Variants in AHI1 observed in about 807,000 individuals in gnomAD.
AHI1 encodes jouberin.
A neutral mutation model predicts 149.3 loss-of-function variants in AHI1; 123 were observed. The observed-to-expected ratio is 0.82, with a 90% CI of 0.71 to 0.96. AHI1 has a LOEUF of 0.96. AHI1 is among the 40% of genes least tolerant of loss of function. The pLI is 0.00. For missense variants in AHI1, 1,439 were observed against 1,422.7 expected, an observed-to-expected ratio of 1.01 and a Z score of -0.18; for synonymous variants, 475 against 459.8, an observed-to-expected ratio of 1.03 and a Z score of -0.42.
At chr6:135,343,417 A>G (rs993607420) in intron 24 of AHI1, among the ~76,000 whole-genome samples, 1 of 151,922 alleles carries the variant, frequency 6.6e-6, no homozygotes, top group African/African-American at 2.4e-5. Flanking sequence ...ATGGAAATGC[A>G]AGGGATCTAA....
At chr6:135,483,744 T>A (rs1157619071) in intron 5 of AHI1, among the ~76,000 whole-genome samples, 1 of 152,210 alleles carries the variant, frequency 6.6e-6, no homozygotes, top group African/African-American at 2.4e-5. Flanking sequence ...GCCCCTCTTA[T>A]CTAATTCCTG....
chr6:135,362,152 A>C (rs1037037155), intron 23 of AHI1, among the ~76,000 whole-genome samples: 1 of 151,256 alleles, frequency 6.6e-6, no homozygotes, highest in Non-Finnish European at 1.5e-5. Context: ...ATGTATAAAG[A>C]AAATGTGGTG....
chr6:135,306,135 A>G (rs1227295992), intron 26 of AHI1, among the ~76,000 whole-genome samples: 2 of 152,230 alleles, frequency 1.3e-5, no homozygotes, highest in Admixed American at 1.3e-4. Context: ...ACTGTCTTCT[A>G]CTACAGTGCA....
intron 24 of AHI1, 105 bp downstream of exon 24, chr6:135,358,027 T>C: frequency 2.1e-6 from 2 of 944,526 alleles, no homozygotes; most frequent in Non-Finnish European, 3.3e-6. Flanking sequence ...ATATAACTTT[T>C]GGCAAAAAGG....
chr6:135,300,471 C>T (rs1319533306), intron 27 of AHI1, 29 bp downstream of exon 27: 1 of 1,574,634 alleles, frequency 6.4e-7, no homozygotes, highest in Admixed American at 1.8e-5. Flanking sequence ...CCATTTATCA[C>T]TGCAAATTAT....
chr6:135,341,091 T>C (rs974465492), intron 24 of AHI1, among the ~76,000 whole-genome samples: 13 of 151,984 alleles, frequency 8.6e-5, no homozygotes, highest in African/African-American at 1.9e-4. Context: ...CAAAACCAAA[T>C]TGTAGACATC....
At chr6:135,481,153 G>C (rs1793572827) in intron 5 of AHI1, among the ~76,000 whole-genome samples, 1 of 152,200 alleles carries the variant, frequency 6.6e-6, no homozygotes, top group Non-Finnish European at 1.5e-5. Flanking sequence ...ACTGCCTTGG[G>C]ACTGTAGAGT....
chr6:135,405,552 A>T (rs1780638342), intron 21 of AHI1, among the ~76,000 whole-genome samples: 1 of 152,142 alleles, frequency 6.6e-6, no homozygotes. Flanking sequence ...TCTGCTGCTA[A>T]GGAGAGAGTA....
intron 5 of AHI1, among the ~76,000 whole-genome samples, chr6:135,487,932 A>G (rs1315995431): frequency 1.3e-5 from 2 of 152,008 alleles, no homozygotes; most frequent in African/African-American, 2.4e-5. Context: ...GGGAACACTG[A>G]TATTTCTCTA....
chr6:135,298,869 T>C (rs1417030448), intron 27 of AHI1, among the ~76,000 whole-genome samples: 1 of 152,092 alleles, frequency 6.6e-6, no homozygotes, highest in African/African-American at 2.4e-5. Context: ...GAGTGAGGAG[T>C]ATGTAGGAGA....
At chr6:135,376,412 A>G (rs1466528666) in intron 23 of AHI1, among the ~76,000 whole-genome samples, 1 of 152,250 alleles carries the variant, frequency 6.6e-6, no homozygotes, top group Non-Finnish European at 1.5e-5. Flanking sequence ...CACCACCTTA[A>G]TTAAGGACTA....
rs982477009 is a variant in AHI1 at position 135,310,520 on chromosome 6, A to G, written c.3426+7999T>C. On this transcript the variant is annotated intron_variant, in intron 26 of 28. Transcript: ENST00000265602. ...GTTCCTGAAAATAACCAGAGTGTACACTTTGGTTTAGAATAGTCTGTCCTT... is the reference window on the plus strand; with the variant it reads ...GTTCCTGAAAATAACCAGAGTGTACGCTTTGGTTTAGAATAGTCTGTCCTT... 2.6e-5 allele frequency among the ~76,000 whole-genome samples: 4 copies of G among 152,206 alleles called. No homozygotes were observed. The East Asian group carries it at 7.7e-4, about 29-fold the overall frequency.
At position 135,379,138 on chromosome 6, in the gene AHI1, C is replaced by T. The variant is rs76378423; in HGVS notation, c.3109+15638G>A. ...AATGATTGAGCAAGCTATTAGATAT[C>T]GTGTTTCAGAAATGCCATAATATCT... On this transcript the variant is annotated intron_variant, in intron 23 of 28. Transcript: ENST00000265602. Among the ~76,000 whole-genome samples the T allele has an allele frequency of 3.9e-3, 598 of 152,266 alleles. 3 individuals are homozygous for T. The highest frequency in any genetic ancestry group is 0.013 in the African/African-American group (546 of 41,548).
Position 135,404,985 on chromosome 6 carries a change from A to G in AHI1, c.2962-8T>C, listed in dbSNP as rs1780547561. On this transcript the variant is annotated splice_region_variant and splice_polypyrimidine_tract_variant and intron_variant, in intron 21 of 28. Transcript: ENST00000265602. ...ACAGGAACGTATCACCTCCTAAAAGAAATACAATAAAATAAGGAAGTATTC... is the reference window on the plus strand; with the variant it reads ...ACAGGAACGTATCACCTCCTAAAAGGAATACAATAAAATAAGGAAGTATTC... The G allele has an allele frequency of 6.3e-7, 1 of 1,597,090 alleles. No individual in the cohort carries two copies. The highest frequency in any genetic ancestry group is 8.6e-7 in the Non-Finnish European group (1 of 1,166,540).
chr6:135,299,264 T>C (rs1276284783), intron 27 of AHI1, among the ~76,000 whole-genome samples: 1 of 152,388 alleles, frequency 6.6e-6, no homozygotes, highest in Non-Finnish European at 1.5e-5. Flanking sequence ...AAATACTGTC[T>C]TGTTAAATGC....
At position 135,396,786 on chromosome 6, in the gene AHI1, G is replaced by C. The variant is rs1024239827; in HGVS notation, c.2989-1890C>G. On this transcript the variant is annotated intron_variant, in intron 22 of 28. Transcript: ENST00000265602. ...AACAGGTGTATGCTGGAGAAATGAA[G>C]ATATATCTATATACACACACATCTT... 2.6e-5 allele frequency among the ~76,000 whole-genome samples: 4 copies of C among 151,342 alleles called. No individual in the cohort carries two copies. In the East Asian group the frequency reaches 7.7e-4, roughly 29 times the overall value.
intron 23 of AHI1, among the ~76,000 whole-genome samples, chr6:135,380,953 A>G (rs1220848227): frequency 1.3e-5 from 2 of 152,126 alleles, no homozygotes; most frequent in Non-Finnish European, 2.9e-5. Flanking sequence ...AGATTTTCAT[A>G]TCCAAAGCAA....
intron 24 of AHI1, among the ~76,000 whole-genome samples, chr6:135,325,247 G>A (rs776640413): frequency 6.6e-5 from 10 of 152,106 alleles, no homozygotes; most frequent in African/African-American, 9.7e-5. Flanking sequence ...GGTTGGTTTC[G>A]AACTCCTGAC....
intron 20 of AHI1, among the ~76,000 whole-genome samples, chr6:135,418,087 T>C (rs922706649): frequency 6.6e-6 from 1 of 152,128 alleles, no homozygotes; most frequent in African/African-American, 2.4e-5. Flanking sequence ...ATTTAAAATT[T>C]AGCTCTACTC....
Sources: allele counts gnomAD v4.1 joint callset (sites outside exome capture counted in the v4.1 genomes callset), GRCh38; gene constraint gnomAD v4.1.1; transcripts MANE v1.5; gene names NCBI Gene and HGNC (gene_info 2026-07-23, HGNC 2026-07-21).